Variants in ZNF324B observed in about 807,000 individuals in gnomAD.
The protein encoded by ZNF324B is zinc finger protein 324B.
Under a neutral mutation model 10.6 loss-of-function variants are expected in ZNF324B, and 7 were observed. That is an observed-to-expected ratio of 0.66 (90% CI 0.38 to 1.24). ZNF324B has a LOEUF of 1.24. ZNF324B is among the 50% of genes most tolerant of loss of function. ZNF324B has a pLI of 0.02. For missense variants in ZNF324B, 640 were observed against 764.7 expected (o/e 0.84, Z 1.92); for synonymous variants, 316 against 321.0 (o/e 0.98, Z 0.17).
At chr19:58,437,463 C>T in the ZNF324B span, among the ~76,000 whole-genome samples, 2 of 152,144 alleles carry the variant, frequency 1.3e-5, no homozygotes, top group South Asian at 4.1e-4. Flanking sequence ...CCTAGAGGAA[C>T]AATAGGCAGG....
chr19:58,451,489 G>A (rs1462267235), upstream of ZNF324B: 2 of 381,718 alleles, frequency 5.2e-6, no homozygotes, highest in African/African-American at 2.2e-5. Context: ...CGTTGCCATG[G>A]AGACTGGTAA....
At chr19:58,450,621 A>G (rs2052849473), upstream of ZNF324B, among the ~76,000 whole-genome samples, 1 of 152,240 alleles carries the variant, frequency 6.6e-6, no homozygotes, top group Admixed American at 6.5e-5. Flanking sequence ...GCTATCTTAC[A>G]CTATAGGGAT....
chr19:58,433,157 G>A, the ZNF324B span: 1 of 707,502 alleles, frequency 1.4e-6, no homozygotes, highest in Non-Finnish European at 2.3e-6. Context: ...GCATGGGTGA[G>A]ATGGCCCTGC....
chr19:58,432,220 G>C, the ZNF324B span: 2 of 471,866 alleles, frequency 4.2e-6, no homozygotes, highest in Non-Finnish European at 8.4e-6. Context: ...TCAGCTCCCA[G>C]TTCCTACCTG....
Position 58,455,798 on chromosome 19 carries a change from A to G in ZNF324B, c.854A>G (p.Tyr285Cys), listed in dbSNP as rs1176214384. 1 of 1,614,112 alleles carries G rather than the reference A, an allele frequency of 6.2e-7. No individual in the cohort carries two copies. The highest frequency in any genetic ancestry group is 8.5e-7 in the Non-Finnish European group (1 of 1,180,002). The change falls in exon 4 of 4, where the codon TAC becomes TGC. Residue 285 changes from tyrosine to cysteine, a missense_variant. Transcript: ENST00000336614. This position sits in a 1 kb window ranked among gnomAD's most constrained non-coding sequence, Gnocchi z 7.0. ...CGCACCCACACCGGGGAGCGGCCCT[A>G]CGAGTGCACCCAGTGCGGCAAGGCC... is the stretch of plus-strand genomic sequence containing the variant. ...HLRTHTGERP[Y>C]ECTQCGKAFS...
At chr19:58,425,947 T>C in the ZNF324B span, among the ~76,000 whole-genome samples, 1 of 152,224 alleles carries the variant, frequency 6.6e-6, no homozygotes, top group Non-Finnish European at 1.5e-5. Context: ...TGAAATCTCT[T>C]GGTTATAAAT....
At position 58,453,723 on chromosome 19, in the gene ZNF324B, G is replaced by C. The variant is rs777204134; in HGVS notation, c.22G>C (p.Val8Leu). ...CCTGATGACCTTCGAGGATGTGGCC[G>C]TGTACTTCTCCCAGGAGGAGTGGGG... MTFEDVA[V>L]YFSQEEWGLL... The change falls in exon 2 of 4, where the codon GTG becomes CTG. Residue 8 changes from valine (V) to leucine (L), a missense_variant. Physicochemically the swap from Val to Leu is conservative, Grantham distance 32. Coordinates refer to ENST00000336614, the MANE Select transcript of ZNF324B (RefSeq NM_207395.3). The C allele has an allele frequency of 1.9e-6, 3 of 1,614,080 alleles. No individual in the cohort carries two copies. Among genetic ancestry groups the C allele is most frequent in the Non-Finnish European group, 2.5e-6 (3 of 1,180,034 alleles).
upstream of ZNF324B, among the ~76,000 whole-genome samples, chr19:58,447,705 CA>C (rs1049097979): frequency 2.6e-5 from 4 of 151,932 alleles, no homozygotes; most frequent in African/African-American, 9.7e-5. Flanking sequence ...CTCGTTTCTA[CA>C]AAAAAAGTAA....
At chr19:58,433,455 G>A in the ZNF324B span, 20 of 1,584,058 alleles carry the variant, frequency 1.3e-5, no homozygotes, top group South Asian at 2.2e-4. Flanking sequence ...TTTCACTAAA[G>A]GCTTTTCCAC....
chr19:58,434,196 A>G, the ZNF324B span: 1 of 1,614,132 alleles, frequency 6.2e-7, no homozygotes, highest in Non-Finnish European at 8.5e-7. Context: ...GAATGAGAGC[A>G]GAGCTTCGGC....
upstream of ZNF324B, among the ~76,000 whole-genome samples, chr19:58,450,184 G>A (rs77237478): frequency 7.8e-4 from 118 of 152,152 alleles, 4 homozygotes; most frequent in East Asian, 0.016. Flanking sequence ...CATGTAAGAC[G>A]TGCCTTTCAC....
the ZNF324B span, chr19:58,429,959 C>T: frequency 6.6e-6 from 1 of 152,216 alleles, no homozygotes; most frequent in East Asian, 1.9e-4. Flanking sequence ...GTGTAATGCT[C>T]TCCCCTTGAC....
At chr19:58,423,322 G>T in the ZNF324B span, among the ~76,000 whole-genome samples, 3 of 151,164 alleles carry the variant, frequency 2.0e-5, no homozygotes, top group Non-Finnish European at 4.4e-5. Context: ...CACCACGCCT[G>T]GCTAATTTTT....
the ZNF324B span, chr19:58,436,901 G>A: frequency 9.2e-7 from 1 of 1,081,558 alleles, no homozygotes; most frequent in Non-Finnish European, 1.4e-6. Flanking sequence ...AGTACACACA[G>A]CAGAACCTCA....
Position 58,456,226 on chromosome 19 carries a change from G to A in ZNF324B, c.1282G>A (p.Ala428Thr), listed in dbSNP as rs200100167. 59 of 1,612,684 alleles carry A rather than the reference G, an allele frequency of 3.7e-5. No individual in the cohort carries two copies. Among genetic ancestry groups the A allele is most frequent in the Non-Finnish European group, 4.8e-5 (57 of 1,179,800 alleles). ...VHTGEKPFAC[A>T]QCGRSFSRSS... ...CACAGGCGAGAAGCCCTTCGCCTGC[G>A]CCCAGTGCGGCCGCTCCTTTAGCCG... The change falls in exon 4 of 4, where the codon GCC (alanine) becomes ACC (threonine). Residue 428 changes from alanine (A) to threonine (T), a missense_variant. By Grantham distance (58) the Ala-to-Thr change is moderately conservative. Coordinates refer to ENST00000336614, the MANE Select transcript of ZNF324B (RefSeq NM_207395.3). This position sits in a 1 kb window ranked among gnomAD's most constrained non-coding sequence, Gnocchi z 4.7.
chr19:58,449,219 C>G (rs1178183023), upstream of ZNF324B, among the ~76,000 whole-genome samples: 2 of 152,212 alleles, frequency 1.3e-5, no homozygotes, highest in African/African-American at 2.4e-5. Context: ...GTGCACAGAA[C>G]TCAAGAACTG....
At chr19:58,439,930 C>G in the ZNF324B span, 2 of 1,168,152 alleles carry the variant, frequency 1.7e-6, no homozygotes, top group East Asian at 5.6e-5. Flanking sequence ...CGCGCAAGGC[C>G]TCTGGGCACC....
chr19:58,424,230 CAA>C, the ZNF324B span, among the ~76,000 whole-genome samples: 338 of 152,196 alleles, frequency 2.2e-3, 2 homozygotes, highest in African/African-American at 7.8e-3. Flanking sequence ...GCCTGGGCAA[CAA>C]GAGTGAAACT....
At chr19:58,453,952 A>C in intron 2 of ZNF324B, 130 bp downstream of exon 2, 1 of 1,397,870 alleles carries the variant, frequency 7.2e-7, no homozygotes, top group Non-Finnish European at 9.6e-7. Flanking sequence ...GGTCCTGTAG[A>C]CACAAAGTTT....
Sources: allele counts gnomAD v4.1 joint callset (sites outside exome capture counted in the v4.1 genomes callset), GRCh38; gene constraint gnomAD v4.1.1; non-coding constraint Gnocchi (gnomAD v3.1); transcripts MANE v1.5; gene names NCBI Gene and HGNC (gene_info 2026-07-23, HGNC 2026-07-21).